UXT: variants seen among roughly 807,000 people sequenced by gnomAD.
UXT encodes the protein ubiquitously expressed prefoldin like chaperone, also known as protein UXT.
For synonymous variants in UXT, 54 were observed against 52.8 expected (o/e 1.02, Z -0.10); for missense variants, 111 against 132.7 (o/e 0.84, Z 0.80).
chrX:47,658,754 G>A, intron 1 of UXT, 76 bp downstream of exon 2: 1 of 1,078,190 alleles, frequency 9.3e-7, no homozygotes, highest in Non-Finnish European at 1.2e-6. Flanking sequence ...CAATTCAAAG[G>A]GTTGGCCCTA....
rs1259093544 is a variant in UXT, at chrX:47,657,558, G to A, written c.284+14C>T. On this transcript the variant is annotated intron_variant, in intron 3 of 5. Coordinates refer to ENST00000335890, the MANE Select transcript of UXT (RefSeq NM_153477.3). Reference sequence around the variant, plus strand: ...CTGAACCCTGTGGGCTCAGAGGGGCGGGTAGACACTCACACCACTGTGTCA... The same window carrying A: ...CTGAACCCTGTGGGCTCAGAGGGGCAGGTAGACACTCACACCACTGTGTCA... The A allele has an allele frequency of 3.3e-6, 4 of 1,200,023 alleles. No homozygotes were observed. The highest frequency in any genetic ancestry group is 3.5e-5 in the African/African-American group (2 of 56,654).
chrX:47,657,304 G>C lies in UXT; in HGVS notation c.285-14C>G. 2.6e-6 allele frequency: 3 copies of C among 1,161,682 alleles called. No homozygotes were observed. The highest frequency in any genetic ancestry group is 3.5e-6 in the Non-Finnish European group (3 of 855,345). The stretch of plus-strand genomic sequence containing the variant: ...GAAGTATCTGGGCTGAGGAAAGAGA[G>C]GTTAGAGGAAGTGGGGAGAAGTCCT... On this transcript the variant is annotated splice_polypyrimidine_tract_variant and intron_variant, in intron 3 of 5. Coordinates refer to ENST00000335890, the MANE Select transcript of UXT (RefSeq NM_153477.3).
chrX:47,654,655 G>C (rs1432287858), intron 4 of UXT, among the ~76,000 whole-genome samples: 1 of 111,984 alleles, frequency 8.9e-6, no homozygotes, highest in Non-Finnish European at 1.9e-5. Context: ...TGACACTTTT[G>C]ATCACATAAA....
chrX:47,652,372 A>T (rs1449846739), intron 4 of UXT, among the ~76,000 whole-genome samples: 2 of 111,969 alleles, frequency 1.8e-5, no homozygotes, highest in Admixed American at 1.9e-4. Context: ...AACAAACAAA[A>T]CTCCCGGCCT....
Position 47,652,290 on chromosome X carries a change from A to T in UXT, c.393-146T>A, listed in dbSNP as rs111871527. The T allele has an allele frequency of 2.3e-5, 13 of 562,147 alleles. No individual in the cohort carries two copies. The Middle Eastern group carries it at 1.2e-3, about 52-fold the overall frequency. 46.3% of individuals were successfully genotyped at this position (562,147 alleles called of 1,213,427 possible). A position where few individuals can be genotyped will look rare whatever the true frequency, so the allele number is the denominator to read the frequency against. ...AATGCCAAGCCACCATCTGGTTTTCACTGATTCAAAGATTATTAAATGCCT... is the reference window on the plus strand; with the variant it reads ...AATGCCAAGCCACCATCTGGTTTTCTCTGATTCAAAGATTATTAAATGCCT... On this transcript the variant is annotated intron_variant, in intron 4 of 5. Coordinates refer to ENST00000335890, the MANE Select transcript of UXT (RefSeq NM_153477.3).
intron 1 of UXT, 105 bp downstream of exon 2, chrX:47,658,724 AC>A: frequency 9.9e-7 from 1 of 1,015,209 alleles, no homozygotes; most frequent in Non-Finnish European, 1.3e-6. Context: ...GCGGGGCCGG[AC>A]TCTGAACGCC....
At chrX:47,657,058 A>T in intron 4 of UXT, 125 bp downstream of exon 5, 1 of 549,825 alleles carries the variant, frequency 1.8e-6, no homozygotes, top group Non-Finnish European at 2.9e-6. Context: ...CCATTTCTTC[A>T]GCCCCAGCTC....
chrX:47,654,532 T>G (rs1012450779), intron 4 of UXT, among the ~76,000 whole-genome samples: 1 of 111,411 alleles, frequency 9.0e-6, no homozygotes, highest in Admixed American at 9.6e-5. Context: ...TATAATTACA[T>G]GTCTATTCAT....
In UXT at chrX:47,651,832, G is replaced by A. The variant is rs1374082460; in HGVS notation, c.*10C>T. Reference sequence around the variant, plus strand: ...CAGGCTCTTTAATGTCTGAGGATGGGGGGAAGAAGTCAATGGTGAGGCTTC... The same window carrying A: ...CAGGCTCTTTAATGTCTGAGGATGGAGGGAAGAAGTCAATGGTGAGGCTTC... On this transcript the variant is annotated 3_prime_UTR_variant, in exon 6 of 6. Coordinates refer to ENST00000335890, the MANE Select transcript of UXT (RefSeq NM_153477.3). 8.3e-7 allele frequency: 1 copy of A among 1,210,121 alleles called. No individual in the cohort carries two copies. The highest frequency in any genetic ancestry group is 1.1e-6 in the Non-Finnish European group (1 of 894,435).
chrX:47,651,991 G>A, intron 5 of UXT, 90 bp downstream of exon 6: 1 of 1,181,532 alleles, frequency 8.5e-7, no homozygotes, highest in South Asian at 1.8e-5. Flanking sequence ...AGTTTAGAGG[G>A]AAAGATGGTC....
intron 4 of UXT, among the ~76,000 whole-genome samples, chrX:47,655,957 C>T (rs1603099740): frequency 9.0e-6 from 1 of 111,246 alleles, no homozygotes. Flanking sequence ...TTTTTTGCAA[C>T]TTTTTTATTT....
chrX:47,657,443 T>C, intron 3 of UXT, 129 bp downstream of exon 4: 1 of 810,284 alleles, frequency 1.2e-6, no homozygotes, highest in Non-Finnish European at 1.8e-6. Flanking sequence ...AGCACCTAGC[T>C]TATATCCTAC....
At position 47,658,918 on chromosome X, in the gene UXT, G is replaced by C; in HGVS notation, c.46C>G (p.Pro16Ala). 8.4e-7 allele frequency: 1 copy of C among 1,196,456 alleles called. No homozygotes were observed. ...GCCTCCACCGCCCGCCGCTTAGGGG[G>C]CGTCGCCATGATGGGCTCCTGGGGA... Residue 16 changes from proline to alanine, a missense_variant, in exon 1 of 6, where the codon CCC becomes GCC. Physicochemically the swap from Pro to Ala is conservative, Grantham distance 27 (BLOSUM62 -1). Coordinates refer to ENST00000335890, the MANE Select transcript of UXT (RefSeq NM_153477.3).
Position 47,659,024 on chromosome X carries a change from C to G in UXT, c.-61G>C. On this transcript the variant is annotated 5_prime_UTR_variant, in exon 1 of 6. Transcript: ENST00000335890. ...TCTCTACCCTCTCAACGCTGGGAAT[C>G]GGCTTGTCCGGCTCAAGCTGGAGGT... 8.3e-7 allele frequency: 1 copy of G among 1,201,498 alleles called. No homozygotes were observed. Among genetic ancestry groups the G allele is most frequent in the Non-Finnish European group, 1.1e-6 (1 of 887,902 alleles).
intron 5 of UXT, 52 bp from the exon 7 acceptor site, chrX:47,651,947 C>T: frequency 8.4e-7 from 1 of 1,194,102 alleles, no homozygotes; most frequent in Non-Finnish European, 1.1e-6. Context: ...GGGTTACGCC[C>T]CCAGGCTTGC....
rs745359821 is a variant in UXT, at chrX:47,659,074, G to C, written c.-111C>G. On this transcript the variant is annotated 5_prime_UTR_variant, in exon 1 of 6. Coordinates refer to ENST00000335890, the MANE Select transcript of UXT (RefSeq NM_153477.3). Reference sequence around the variant, plus strand: ...TTCAGCCTTCCGCCCCTCCCAACTCGGGGACCCGACCACCCAGGGACACCC... The same window carrying C: ...TTCAGCCTTCCGCCCCTCCCAACTCCGGGACCCGACCACCCAGGGACACCC... 2 of 1,124,296 alleles carry C rather than the reference G, an allele frequency of 1.8e-6. No homozygotes were observed. The highest frequency in any genetic ancestry group is 2.3e-5 in the Admixed American group (1 of 42,613). The allele number at this position is 1,124,296 out of a possible 1,213,427, so 92.7% of individuals were successfully genotyped here. A position where few individuals can be genotyped will look rare whatever the true frequency, so the allele number is the denominator to read the frequency against.
Position 47,659,146 on chromosome X carries a change from G to C in UXT, c.-183C>G. On this transcript the variant is annotated 5_prime_UTR_variant, in exon 1 of 6. Coordinates refer to ENST00000335890, the MANE Select transcript of UXT (RefSeq NM_153477.3). ...CCGCCAGCAATAAGAACGGTTGGTAGGAACCGCGGCTTCCGGGTGGCGCGG... is the reference window on the plus strand; with the variant it reads ...CCGCCAGCAATAAGAACGGTTGGTACGAACCGCGGCTTCCGGGTGGCGCGG... 1.5e-6 allele frequency: 1 copy of C among 683,544 alleles called. No homozygotes were observed. Among genetic ancestry groups the C allele is most frequent in the Non-Finnish European group, 2.3e-6 (1 of 442,289 alleles). 56.3% of individuals were successfully genotyped at this position (683,544 alleles called of 1,213,427 possible).
chrX:47,657,376 A>C, intron 3 of UXT, 86 bp from the exon 5 acceptor site: 1 of 903,733 alleles, frequency 1.1e-6, no homozygotes, highest in African/African-American at 2.0e-5. Flanking sequence ...CCCTTCCCCA[A>C]ATTGAGGCTC....
intron 1 of UXT, among the ~76,000 whole-genome samples, chrX:47,658,466 T>A (rs2058091118): frequency 8.9e-6 from 1 of 111,979 alleles, no homozygotes; most frequent in Admixed American, 9.4e-5. Flanking sequence ...ATGGGGAAGG[T>A]TCCAGAAAAC....
Sources: allele counts gnomAD v4.1 joint callset (sites outside exome capture counted in the v4.1 genomes callset), GRCh38; gene constraint gnomAD v4.1.1; transcripts MANE v1.5; gene names NCBI Gene and HGNC (gene_info 2026-07-23, HGNC 2026-07-21).